Variants in NBAS observed in about 807,000 individuals in gnomAD.
NBAS encodes NBAS subunit of NRZ tethering complex.
Under a neutral mutation model 302.5 loss-of-function variants are expected in NBAS, and 219 were observed. The ratio of observed to expected loss-of-function variants is 0.72; its 90% confidence interval spans 0.65 to 0.81. NBAS has a LOEUF of 0.81. NBAS is among the 30% of genes least tolerant of loss of function. The pLI is 0.00. For synonymous variants in NBAS, 1,118 were observed against 1,021.6 expected (o/e 1.09, Z -1.80); for missense variants, 2,932 against 2,841.6 (o/e 1.03, Z -0.72).
chr2:15,335,244 C>T (rs1210926380), intron 35 of NBAS, among the ~76,000 whole-genome samples: 1 of 151,090 alleles, frequency 6.6e-6, no homozygotes, highest in Admixed American at 6.6e-5. Flanking sequence ...ATAAACATGC[C>T]AGAACTTATT....
chr2:14,990,698 CAG>C, the NBAS span, among the ~76,000 whole-genome samples: 1 of 152,124 alleles, frequency 6.6e-6, no homozygotes, highest in African/African-American at 2.4e-5. Flanking sequence ...CCTCCTGGCT[CAG>C]GGGATCTTCC....
chr2:15,210,988 G>A (rs1666381589), intron 48 of NBAS, among the ~76,000 whole-genome samples: 1 of 151,924 alleles, frequency 6.6e-6, no homozygotes, highest in Non-Finnish European at 1.5e-5. Flanking sequence ...GGGTAGTGAG[G>A]GTGTTACAGG....
intron 26 of NBAS, among the ~76,000 whole-genome samples, chr2:15,399,003 T>C (rs879753455): frequency 1.3e-4 from 20 of 152,174 alleles, no homozygotes; most frequent in Non-Finnish European, 2.8e-4. Flanking sequence ...AAAACAAATA[T>C]GGTAATCCCC....
chr2:14,911,251 A>T, the NBAS span, among the ~76,000 whole-genome samples: 1 of 152,204 alleles, frequency 6.6e-6, no homozygotes, highest in Non-Finnish European at 1.5e-5. Context: ...TGGAAATTGC[A>T]CTAGTCTTGA....
chr2:14,794,963 C>CA, the NBAS span, among the ~76,000 whole-genome samples: 7 of 152,230 alleles, frequency 4.6e-5, no homozygotes, highest in Non-Finnish European at 7.4e-5. Flanking sequence ...AGTAGTATCC[C>CA]ATTTTATGGG....
At chr2:15,218,459 C>T (rs1666752948) in intron 48 of NBAS, among the ~76,000 whole-genome samples, 1 of 152,138 alleles carries the variant, frequency 6.6e-6, no homozygotes, top group Non-Finnish European at 1.5e-5. Flanking sequence ...GAGTCTTGCT[C>T]TGTTGCCCAG....
chr2:14,848,312 G>A, the NBAS span, among the ~76,000 whole-genome samples: 7 of 138,908 alleles, frequency 5.0e-5, no homozygotes, highest in Admixed American at 4.7e-4. Context: ...AAAGAAAGGG[G>A]TGACGGACAC....
intron 6 of NBAS, among the ~76,000 whole-genome samples, chr2:15,547,581 T>C (rs1292148377): frequency 6.6e-6 from 1 of 152,188 alleles, no homozygotes; most frequent in Non-Finnish European, 1.5e-5. Flanking sequence ...TCATGTTAAT[T>C]TGTAGATTTC....
chr2:14,959,614 C>T, the NBAS span, among the ~76,000 whole-genome samples: 1 of 152,238 alleles, frequency 6.6e-6, no homozygotes, highest in African/African-American at 2.4e-5. Flanking sequence ...TAACCACTTG[C>T]TGTGACAATT....
intron 28 of NBAS, among the ~76,000 whole-genome samples, chr2:15,384,533 C>A (rs1485180279): frequency 6.6e-6 from 1 of 150,884 alleles, no homozygotes; most frequent in South Asian, 2.1e-4. Context: ...GACCCCCCCC[C>A]CATTTTTCTG....
chr2:15,439,983 T>A (rs148317409), intron 21 of NBAS, among the ~76,000 whole-genome samples: 1,939 of 152,294 alleles, frequency 0.013, 31 homozygotes, highest in East Asian at 0.06. Flanking sequence ...CAGACTTGCT[T>A]AGGTAAACAA....
chr2:15,444,754 A>G (rs1450324046), intron 21 of NBAS, among the ~76,000 whole-genome samples: 1 of 151,870 alleles, frequency 6.6e-6, no homozygotes, highest in Non-Finnish European at 1.5e-5. Flanking sequence ...CAACCTACTC[A>G]TCTGACAAAG....
the NBAS span, among the ~76,000 whole-genome samples, chr2:15,150,043 C>G: frequency 6.9e-6 from 1 of 145,588 alleles, no homozygotes; most frequent in Non-Finnish European, 1.5e-5. Context: ...CCACTGTGCT[C>G]CAGAGCCTGG....
At chr2:15,365,208 T>C (rs902285831) in intron 32 of NBAS, among the ~76,000 whole-genome samples, 2 of 152,212 alleles carry the variant, frequency 1.3e-5, no homozygotes, top group East Asian at 3.9e-4. Flanking sequence ...CATTAAAAAC[T>C]CATATAGATT....
intron 19 of NBAS, 107 bp downstream of exon 19, chr2:15,467,222 C>G: frequency 2.4e-6 from 2 of 842,054 alleles, no homozygotes; most frequent in Middle Eastern, 2.9e-4. Context: ...TAATTTTTCC[C>G]AGAAAAATAG....
the NBAS span, among the ~76,000 whole-genome samples, chr2:14,791,670 G>A: frequency 6.6e-6 from 1 of 152,030 alleles, no homozygotes; most frequent in Non-Finnish European, 1.5e-5. Flanking sequence ...CGGGGATGGT[G>A]GCGTGTGCCT....
At chr2:15,412,468 T>A (rs915721066) in intron 25 of NBAS, among the ~76,000 whole-genome samples, 2 of 152,192 alleles carry the variant, frequency 1.3e-5, no homozygotes, top group African/African-American at 2.4e-5. Flanking sequence ...TTCGCAGTCG[T>A]AAGCTACTAA....
At chr2:14,804,214 C>A in the NBAS span, among the ~76,000 whole-genome samples, 1 of 152,294 alleles carries the variant, frequency 6.6e-6, no homozygotes, top group African/African-American at 2.4e-5. Flanking sequence ...CTCTGCCTTT[C>A]TGTTTCAGTT....
chr2:15,111,162 T>A, the NBAS span, among the ~76,000 whole-genome samples: 1 of 152,038 alleles, frequency 6.6e-6, no homozygotes, highest in African/African-American at 2.4e-5. Context: ...ATGAGAGAAG[T>A]TACTAGATAA....
Sources: gnomAD v4.1 joint callset for allele counts (sites outside exome capture counted in the v4.1 genomes callset) on GRCh38, gnomAD v4.1.1 for gene constraint, MANE v1.5 for transcripts, NCBI Gene and HGNC (gene_info 2026-07-23, HGNC 2026-07-21) for gene names.